The following ERBIN variants were observed in gnomAD, a reference collection of about 807,000 sequenced individuals.
The protein encoded by ERBIN is erbb2 interacting protein.
Under a neutral mutation model 158.4 loss-of-function variants are expected in ERBIN, and 60 were observed. That is an observed-to-expected ratio of 0.38 (90% CI 0.31 to 0.47). The LOEUF (loss-of-function observed/expected upper bound fraction) is 0.47. ERBIN is among the 20% of genes least tolerant of loss of function. ERBIN has a pLI of 0.99. For synonymous variants in ERBIN, 594 were observed against 557.2 expected (o/e 1.07, Z -0.93); for missense variants, 1,610 against 1,648.0 (o/e 0.98, Z 0.40).
intron 1 of ERBIN, among the ~76,000 whole-genome samples, chr5:65,954,675 T>A (rs1443923047): frequency 1.3e-5 from 2 of 152,078 alleles, no homozygotes; most frequent in African/African-American, 4.8e-5. Flanking sequence ...TTATTGAGGT[T>A]GGCATGTCCC....
At chr5:66,008,802 C>T (rs1753886421) in intron 4 of ERBIN, among the ~76,000 whole-genome samples, 3 of 152,148 alleles carry the variant, frequency 2.0e-5, no homozygotes, top group Admixed American at 1.3e-4. Flanking sequence ...TCTTGCTCCA[C>T]CCAAACATGG....
intron 1 of ERBIN, among the ~76,000 whole-genome samples, chr5:65,977,789 G>C (rs1022654763): frequency 5.3e-5 from 8 of 152,156 alleles, no homozygotes; most frequent in Non-Finnish European, 8.8e-5. Flanking sequence ...TCGGCACTTC[G>C]GGAGGCCAAG....
chr5:65,983,274 C>G (rs559883872), intron 1 of ERBIN, among the ~76,000 whole-genome samples: 8 of 152,188 alleles, frequency 5.3e-5, no homozygotes, highest in Non-Finnish European at 1.0e-4. Flanking sequence ...TAAGTATGAT[C>G]TAGCCATCAA....
intron 21 of ERBIN, among the ~76,000 whole-genome samples, chr5:66,069,273 CTG>C (rs1211883882): frequency 6.6e-6 from 1 of 152,166 alleles, no homozygotes; most frequent in African/African-American, 2.4e-5. Flanking sequence ...ATAGGAATAA[CTG>C]AGAGATCTTC....
chr5:65,959,053 A>T (rs972204539), intron 1 of ERBIN, among the ~76,000 whole-genome samples: 3 of 152,234 alleles, frequency 2.0e-5, no homozygotes, highest in Non-Finnish European at 2.9e-5. Context: ...AAAAGTAGAC[A>T]TTGCGTATAC....
At chr5:65,939,531 T>A (rs1744528410) in intron 1 of ERBIN, among the ~76,000 whole-genome samples, 1 of 140,072 alleles carries the variant, frequency 7.1e-6, no homozygotes, top group Admixed American at 6.8e-5. Context: ...CCTTTCCCTC[T>A]CCCCCCTCTC....
In ERBIN at chr5:66,053,642, C is replaced by T. The variant is rs1561430673; in HGVS notation, c.2324C>T (p.Thr775Ile). 3 of 1,612,784 alleles carry T rather than the reference C, an allele frequency of 1.9e-6. No individual in the cohort carries two copies. The highest frequency in any genetic ancestry group is 1.3e-5 in the African/African-American group (1 of 74,870). The change falls in exon 21 of 26, where the codon ACA becomes ATA. Residue 775 changes from threonine to isoleucine, a missense_variant. By Grantham distance (89) the Thr-to-Ile change is moderately conservative (BLOSUM62 -1). Coordinates refer to ENST00000284037, the MANE Select transcript of ERBIN (RefSeq NM_001253697.2). Reference protein sequence around the residue: ...MNLNKLITNDTFQPEIMERSK... With the variant: ...MNLNKLITNDIFQPEIMERSK... ...CTTAATAAACTTATAACTAATGATA[C>T]ATTTCAACCAGAGATCATGGAAAGA...
chr5:66,054,574 G>C lies in ERBIN; in HGVS notation c.3256G>C (p.Val1086Leu). 2 of 1,614,172 alleles carry C rather than the reference G, an allele frequency of 1.2e-6. No homozygotes were observed. Among genetic ancestry groups the C allele is most frequent in the Non-Finnish European group, 1.7e-6 (2 of 1,180,030 alleles). Residue 1086 changes from valine to leucine, a missense_variant, in exon 21 of 26, where the codon GTA (valine) becomes CTA (leucine). Around this residue, in one of 2 missense-constraint regions of ERBIN, gnomAD observed 1,014 missense variants for 936.1 expected, o/e 1.08. Coordinates refer to ENST00000284037, the MANE Select transcript of ERBIN (RefSeq NM_001253697.2). ...RQSSVSSTASVNLGDPGSTRR... is the reference protein window; with the variant it reads ...RQSSVSSTASLNLGDPGSTRR... ...AAGTAGTGTGTCCTCCACAGCCTCT[G>C]TAAATCTTGGTGATCCAGGCTCTAC...
At chr5:66,061,106 C>T (rs1184498656) in intron 21 of ERBIN, among the ~76,000 whole-genome samples, 1 of 152,212 alleles carries the variant, frequency 6.6e-6, no homozygotes, top group Admixed American at 6.5e-5. Flanking sequence ...TCCTTGTTAA[C>T]TTTCTGTCTT....
At chr5:65,989,643 T>C (rs1751657930) in intron 2 of ERBIN, among the ~76,000 whole-genome samples, 1 of 152,234 alleles carries the variant, frequency 6.6e-6, no homozygotes, top group African/African-American at 2.4e-5. Flanking sequence ...CTATAAATTG[T>C]CTTATATCTC....
chr5:66,021,338 A>T lies in ERBIN; in HGVS notation c.550A>T (p.Thr184Ser), dbSNP rs780662106. ...TATGAACAGAACTATGAATAGACTG[A>T]CCCAGCTGGAAAGACTGGATTTGGG... ...KMLPKTMNRL[T>S]QLERLDLGSN... is the part of the protein sequence containing the mutation. Residue 184 changes from threonine to serine, a missense_variant, in exon 8 of 26, where the codon ACC (threonine) becomes TCC (serine). Coordinates refer to ENST00000284037, the MANE Select transcript of ERBIN (RefSeq NM_001253697.2). 2.6e-5 allele frequency: 42 copies of T among 1,602,478 alleles called. No individual in the cohort carries two copies. The East Asian group carries it at 9.2e-4, about 35-fold the overall frequency.
At chr5:66,053,036 A>G (rs1347287072) in intron 20 of ERBIN, among the ~76,000 whole-genome samples, 1 of 152,174 alleles carries the variant, frequency 6.6e-6, no homozygotes, top group Non-Finnish European at 1.5e-5. Flanking sequence ...TTCTCTCCAT[A>G]TATCTGCCCT....
At chr5:65,953,205 A>G (rs955713693) in intron 1 of ERBIN, among the ~76,000 whole-genome samples, 1 of 152,226 alleles carries the variant, frequency 6.6e-6, no homozygotes, top group Non-Finnish European at 1.5e-5. Flanking sequence ...CATCCTCTGC[A>G]TACAGTTGAC....
chr5:65,932,038 G>C (rs1451283908), intron 1 of ERBIN, among the ~76,000 whole-genome samples: 1 of 151,888 alleles, frequency 6.6e-6, no homozygotes, highest in African/African-American at 2.4e-5. Flanking sequence ...GGCTGGTCTT[G>C]AACTCCTGAC....
rs1755147791 is a variant in ERBIN, at chr5:66,018,505, AT to A, written c.534-2815del. Among the ~76,000 whole-genome samples the A allele has an allele frequency of 1.8e-4, 2 of 11,008 alleles. 1 individual carries two copies. Among genetic ancestry groups the A allele is most frequent in the Non-Finnish European group, 3.2e-4 (2 of 6,170 alleles). The allele number at this position is 11,008 out of a possible 152,430, so 7.2% of individuals were successfully genotyped here. On this transcript the variant is annotated intron_variant, in intron 7 of 25. Coordinates refer to ENST00000284037, the MANE Select transcript of ERBIN (RefSeq NM_001253697.2). ...TTATATATTATATTATATAATATAT[AT>A]TATATATTATATAATATATATTATA...
chr5:66,019,502 T>C (rs1402025621), intron 7 of ERBIN, among the ~76,000 whole-genome samples: 3 of 152,184 alleles, frequency 2.0e-5, no homozygotes, highest in African/African-American at 7.2e-5. Flanking sequence ...ATATTGTTTA[T>C]GTTTTCTCCT....
chr5:65,956,372 A>ATTT (rs1200098319), intron 1 of ERBIN, among the ~76,000 whole-genome samples: 16 of 121,594 alleles, frequency 1.3e-4, no homozygotes, highest in African/African-American at 4.1e-4. Flanking sequence ...CTTTCAGGTG[A>ATTT]TTTTTTTTTT....
intron 4 of ERBIN, among the ~76,000 whole-genome samples, chr5:65,998,825 G>A (rs1293543692): frequency 6.9e-6 from 1 of 144,930 alleles, no homozygotes; most frequent in Non-Finnish European, 1.5e-5. Context: ...AGCCTGGGAA[G>A]TCAAGGCTGC....
intron 1 of ERBIN, among the ~76,000 whole-genome samples, chr5:65,940,439 C>T (rs1248418029): frequency 1.5e-5 from 2 of 136,502 alleles, no homozygotes; most frequent in African/African-American, 3.0e-5. Context: ...CCCCGCCCGG[C>T]CAGCTGCCCC....
Sources: allele counts gnomAD v4.1 joint callset (sites outside exome capture counted in the v4.1 genomes callset), GRCh38; gene constraint gnomAD v4.1.1; regional missense constraint gnomAD v4.1.1; transcripts MANE v1.5; gene names NCBI Gene and HGNC (gene_info 2026-07-23, HGNC 2026-07-21).